The following EPC2 variants were observed in gnomAD, a reference collection of about 807,000 sequenced individuals.
EPC2 encodes the protein enhancer of polycomb 2.
In EPC2, 14 loss-of-function variants were observed where a neutral mutation model predicts 92.1. The ratio of observed to expected loss-of-function variants is 0.15; its 90% CI spans 0.10 to 0.24. The LOEUF (loss-of-function observed/expected upper bound fraction) is 0.24. EPC2 is among the 10% of genes least tolerant of loss of function. The probability of loss-of-function intolerance (pLI) is 1.00; values close to 1 mark genes in which losing one functional copy is unlikely to be tolerated. For synonymous variants in EPC2, 340 were observed against 334.7 expected (o/e 1.02, Z -0.17); for missense variants, 755 against 971.5 (o/e 0.78, Z 2.96).
In EPC2 at chr2:148,770,713, T is replaced by C. The variant is rs1294864708; in HGVS notation, c.1231-79T>C. On this transcript the variant is annotated intron_variant, in intron 8 of 13. Coordinates refer to ENST00000258484, the MANE Select transcript of EPC2 (RefSeq NM_015630.4). ...TTCTGCTAATGTTGCAGTTACTTCA[T>C]GTTTATCATGATCTAACCTGTCTTC... is the stretch of plus-strand genomic sequence containing the variant. 3.5e-6 allele frequency: 5 copies of C among 1,413,284 alleles called. No homozygotes were observed. In the African/African-American group the frequency reaches 7.3e-5, roughly 21 times the overall value. 87.5% of individuals were successfully genotyped at this position (1,413,284 alleles called of 1,614,324 possible). A position where few individuals can be genotyped will look rare whatever the true frequency, so the allele number is the denominator to read the frequency against.
rs1344249706 is a variant in EPC2, at chr2:148,645,204, C to T, written c.153+34C>T. On this transcript the variant is annotated intron_variant, in intron 1 of 13. Transcript: ENST00000258484. ...TCGAGTGTTTATTACCCCCCCTTCC[C>T]TCCTCCCCCCTCCCCTTTGTCAGTC... 14 of 1,502,304 alleles carry T rather than the reference C, an allele frequency of 9.3e-6. No homozygotes were observed. In the South Asian group the frequency reaches 1.2e-4, roughly 13 times the overall value. The allele number at this position is 1,502,304 out of a possible 1,614,324, so 93.1% of individuals were successfully genotyped here. A position where few individuals can be genotyped will look rare whatever the true frequency, so the allele number is the denominator to read the frequency against.
chr2:148,658,762 G>C (rs1680870111), intron 1 of EPC2, among the ~76,000 whole-genome samples: 1 of 151,602 alleles, frequency 6.6e-6, no homozygotes. Context: ...TCAGCGACAT[G>C]GGTTATATAT....
At chr2:148,783,457 GA>G (rs1558839984) in intron 11 of EPC2, 139 bp from the exon 12 acceptor site, 2 of 665,422 alleles carry the variant, frequency 3.0e-6, no homozygotes, top group Non-Finnish European at 4.7e-6. Context: ...ATCATCTATG[GA>G]ATCGTAGATC....
At chr2:148,722,674 T>C (rs930162599) in intron 2 of EPC2, among the ~76,000 whole-genome samples, 1 of 152,184 alleles carries the variant, frequency 6.6e-6, no homozygotes, top group African/African-American at 2.4e-5. Flanking sequence ...CATTATTGGG[T>C]ATATACCCAA....
Position 148,771,255 on chromosome 2 carries a change from C to T in EPC2, c.1588C>T (p.Pro530Ser), listed in dbSNP as rs1453601690. The T allele has an allele frequency of 6.2e-7, 1 of 1,613,822 alleles. No homozygotes were observed. The highest frequency in any genetic ancestry group is 1.7e-5 in the Admixed American group (1 of 59,992). The change falls in exon 10 of 14, where the codon CCA becomes TCA. Residue 530 changes from proline (P) to serine (S), a missense_variant. Transcript: ENST00000258484. Reference protein sequence around the residue: ...IRSCRLQCFQPRLLNLQDSDS... With the variant: ...IRSCRLQCFQSRLLNLQDSDS... Reference sequence around the variant, plus strand: ...ATCATGTCGACTACAGTGTTTCCAGCCAAGGCTACTAAATTTACAGGACAG... The same window carrying T: ...ATCATGTCGACTACAGTGTTTCCAGTCAAGGCTACTAAATTTACAGGACAG...
At chr2:148,722,744 T>G (rs1432372594) in intron 2 of EPC2, among the ~76,000 whole-genome samples, 1 of 152,218 alleles carries the variant, frequency 6.6e-6, no homozygotes, top group Non-Finnish European at 1.5e-5. Context: ...GCAGCACTAT[T>G]CACAGCAGCA....
At position 148,770,956 on chromosome 2, in the gene EPC2, C is replaced by T. The variant is rs751190643; in HGVS notation, c.1376+19C>T. The T allele has an allele frequency of 6.2e-7, 1 of 1,603,942 alleles. No individual in the cohort carries two copies. The highest frequency in any genetic ancestry group is 1.1e-5 in the South Asian group (1 of 88,476). On this transcript the variant is annotated intron_variant, in intron 9 of 13. Coordinates refer to ENST00000258484, the MANE Select transcript of EPC2 (RefSeq NM_015630.4). ...GTGGAAGGTGAAGTATTTGTTTTCACCTGGTTTTTGTTTGCTATCTGGAAC... is the reference window on the plus strand; with the variant it reads ...GTGGAAGGTGAAGTATTTGTTTTCATCTGGTTTTTGTTTGCTATCTGGAAC...
At chr2:148,708,214 C>T (rs956865983) in intron 2 of EPC2, among the ~76,000 whole-genome samples, 2 of 151,902 alleles carry the variant, frequency 1.3e-5, no homozygotes, top group African/African-American at 4.8e-5. Context: ...TACTATAAAC[C>T]CCTCTACACA....
At chr2:148,775,701 T>TTTAATTTAATTAAATAAAATTAA (rs1414189667) in intron 10 of EPC2, among the ~76,000 whole-genome samples, 7 of 138,186 alleles carry the variant, frequency 5.1e-5, no homozygotes, top group East Asian at 2.0e-4. Context: ...TAAAATTAAA[T>TTTAATTTAATTAAATAAAATTAA]ATCTTTATTA....
At chr2:148,683,156 T>A (rs1432007566) in intron 1 of EPC2, among the ~76,000 whole-genome samples, 1 of 152,086 alleles carries the variant, frequency 6.6e-6, no homozygotes. Context: ...TAGTAGTGAT[T>A]TCTGAGATTT....
intron 2 of EPC2, among the ~76,000 whole-genome samples, chr2:148,721,657 T>C (rs566164657): frequency 6.6e-6 from 1 of 151,812 alleles, no homozygotes; most frequent in Admixed American, 6.6e-5. Context: ...CTTGTGTTCC[T>C]TTCTTGGAAT....
intron 3 of EPC2, 131 bp downstream of exon 3, chr2:148,743,898 T>A: frequency 1.5e-6 from 1 of 688,666 alleles, no homozygotes; most frequent in East Asian, 3.2e-5. Flanking sequence ...CTGTTTACAA[T>A]GTTCCGTGAG....
intron 3 of EPC2, among the ~76,000 whole-genome samples, chr2:148,745,173 A>C (rs1682961895): frequency 6.6e-6 from 1 of 152,010 alleles, no homozygotes; most frequent in Non-Finnish European, 1.5e-5. Context: ...GGTGACTTAC[A>C]GTTTTCCTGG....
chr2:148,764,875 C>T (rs1284251077), intron 6 of EPC2, 80 bp from the exon 7 acceptor site: 3 of 1,076,434 alleles, frequency 2.8e-6, no homozygotes, highest in African/African-American at 1.6e-5. Flanking sequence ...GTATGTTTTT[C>T]AAAGAGCAGT....
chr2:148,754,902 A>G (rs557416311), intron 4 of EPC2, among the ~76,000 whole-genome samples: 43 of 152,298 alleles, frequency 2.8e-4, no homozygotes, highest in Admixed American at 1.3e-3. Context: ...ATTTCTCATA[A>G]TTAACAGTTA....
Position 148,701,426 on chromosome 2 carries a change from T to A in EPC2, c.313+11053T>A, listed in dbSNP as rs566816907. On this transcript the variant is annotated intron_variant, in intron 2 of 13. Transcript: ENST00000258484. The stretch of plus-strand genomic sequence containing the variant: ...AAAGTTCTTTATCAAGTTGAAGAAA[T>A]TCTCCTCTATTCTTAGTTTGCTGAG... Among the ~76,000 whole-genome samples, 28 of 152,336 alleles carry A rather than the reference T, an allele frequency of 1.8e-4. No individual in the cohort carries two copies. In the South Asian group the frequency reaches 5.8e-3, roughly 32 times the overall value.
intron 1 of EPC2, among the ~76,000 whole-genome samples, chr2:148,666,281 C>T (rs1681054202): frequency 6.6e-6 from 1 of 152,162 alleles, no homozygotes; most frequent in Non-Finnish European, 1.5e-5. Flanking sequence ...GCTGGGATTA[C>T]AGCCATGCTT....
intron 6 of EPC2, among the ~76,000 whole-genome samples, chr2:148,764,478 T>G (rs957225592): frequency 6.6e-6 from 1 of 152,156 alleles, no homozygotes; most frequent in African/African-American, 2.4e-5. Context: ...AAAGTGAGGG[T>G]TTTTTTCCTA....
chr2:148,717,079 G>T (rs1464723703), intron 2 of EPC2, among the ~76,000 whole-genome samples: 1 of 151,608 alleles, frequency 6.6e-6, no homozygotes, highest in Non-Finnish European at 1.5e-5. Flanking sequence ...GGTCAGTGGT[G>T]ATATCCCCCT....
Sources: gnomAD v4.1 joint callset for allele counts (sites outside exome capture counted in the v4.1 genomes callset) on GRCh38, gnomAD v4.1.1 for gene constraint, MANE v1.5 for transcripts, NCBI Gene and HGNC (gene_info 2026-07-23, HGNC 2026-07-21) for gene names.